The following BHMT variants were observed in gnomAD, a reference collection of about 807,000 sequenced individuals.
BHMT encodes betaine--homocysteine S-methyltransferase 1.
Under a neutral mutation model 49.5 loss-of-function variants are expected in BHMT, and 38 were observed. The observed-to-expected ratio is 0.77, with a 90% CI of 0.59 to 1.01. BHMT has a LOEUF of 1.01. Ranked by LOEUF, BHMT falls within the 50% of genes least tolerant of loss-of-function variation. The pLI, the probability that BHMT is intolerant of heterozygous loss-of-function variation, is 0.00. For missense variants in BHMT, 426 were observed against 495.7 expected (o/e 0.86, Z 1.34); for synonymous variants, 166 against 176.3 (o/e 0.94, Z 0.46).
chr5:79,118,798 C>CA (rs1267004900), intron 2 of BHMT, among the ~76,000 whole-genome samples: 1 of 152,186 alleles, frequency 6.6e-6, no homozygotes, highest in East Asian at 1.9e-4. Context: ...AAGTGCAGCT[C>CA]AAATGATTCC....
At chr5:79,114,322 C>T (rs6894156) in intron 1 of BHMT, among the ~76,000 whole-genome samples, 13,538 of 151,910 alleles carry the variant, frequency 0.089, 655 homozygotes, top group Middle Eastern at 0.12. Flanking sequence ...ATGTTTTGAT[C>T]TGAAAGGTAT....
intron 5 of BHMT, among the ~76,000 whole-genome samples, chr5:79,123,780 G>A (rs965182669): frequency 6.6e-6 from 1 of 152,096 alleles, no homozygotes; most frequent in Non-Finnish European, 1.5e-5. Flanking sequence ...TTGAACTCCT[G>A]ACCTCAGGTA....
intron 1 of BHMT, among the ~76,000 whole-genome samples, chr5:79,112,928 C>T (rs754270003): frequency 1.3e-4 from 20 of 152,112 alleles, no homozygotes; most frequent in Admixed American, 3.9e-4. Context: ...CCAGGCCTGG[C>T]ACGACAGAGG....
rs1756645770 is a variant in BHMT at position 79,131,718 on chromosome 5, T to G, written c.*602T>G. On this transcript the variant is annotated 3_prime_UTR_variant, in exon 8 of 8. Transcript: ENST00000274353. ...GATTTTTATGACCCACTACTGGGTT[T>G]GGATCCACAGTTTGAAAAATATTGC... 1 of 152,272 alleles carries G rather than the reference T, an allele frequency of 6.6e-6. No individual in the cohort carries two copies. Among genetic ancestry groups the G allele is most frequent in the African/African-American group, 2.4e-5 (1 of 41,468 alleles). 9.4% of individuals were successfully genotyped at this position (152,272 alleles called of 1,614,324 possible).
intron 7 of BHMT, 52 bp from the exon 8 acceptor site, chr5:79,130,881 C>A (rs373453592): frequency 8.3e-6 from 12 of 1,443,994 alleles, no homozygotes; most frequent in South Asian, 1.6e-5. Flanking sequence ...ATATAAAGAC[C>A]AAAGCTAGGG....
intron 1 of BHMT, among the ~76,000 whole-genome samples, chr5:79,113,348 C>T (rs182465848): frequency 5.3e-5 from 8 of 152,224 alleles, no homozygotes; most frequent in African/African-American, 1.7e-4. Context: ...GTAAGTCTAA[C>T]TTATTCCCCA....
chr5:79,125,235 A>G (rs2112730381), intron 5 of BHMT, among the ~76,000 whole-genome samples: 1 of 152,082 alleles, frequency 6.6e-6, no homozygotes. Flanking sequence ...AGCTGGGCGG[A>G]TCACAAGGTC....
At chr5:79,128,577 C>CA in intron 7 of BHMT, among the ~76,000 whole-genome samples, 1 of 149,540 alleles carries the variant, frequency 6.7e-6, no homozygotes, top group African/African-American at 2.5e-5. Flanking sequence ...ACGTAAGTGG[C>CA]AATGAAATGT....
intron 5 of BHMT, among the ~76,000 whole-genome samples, chr5:79,122,075 G>A (rs1359347959): frequency 6.6e-6 from 1 of 151,742 alleles, no homozygotes; most frequent in Non-Finnish European, 1.5e-5. Context: ...CCGAGTAGCT[G>A]GGATTATGGG....
intron 7 of BHMT, 128 bp from the exon 8 acceptor site, chr5:79,130,805 G>A: frequency 1.2e-6 from 1 of 852,450 alleles, no homozygotes; most frequent in Admixed American, 5.2e-5. Flanking sequence ...TTTAATGTCT[G>A]ATAGGCAACT....
intron 2 of BHMT, among the ~76,000 whole-genome samples, chr5:79,118,341 C>T (rs941912574): frequency 6.6e-6 from 1 of 152,136 alleles, no homozygotes; most frequent in Admixed American, 6.5e-5. Context: ...GTGGCAGGTG[C>T]CTGTAGTCCC....
intron 1 of BHMT, among the ~76,000 whole-genome samples, chr5:79,112,879 G>A (rs1231954696): frequency 6.6e-6 from 1 of 152,170 alleles, no homozygotes; most frequent in African/African-American, 2.4e-5. Flanking sequence ...GATGGAGGGA[G>A]GAGAGAATAA....
intron 7 of BHMT, among the ~76,000 whole-genome samples, chr5:79,129,275 C>A (rs191857373): frequency 6.6e-6 from 1 of 152,266 alleles, no homozygotes; most frequent in African/African-American, 2.4e-5. Context: ...CATAGGTGTG[C>A]AGGGTCTGAG....
rs1348750170 is a variant in BHMT at position 79,120,423 on chromosome 5, G to T, written c.359G>T (p.Gly120Val). The change falls in exon 4 of 8, where the codon GGA becomes GTA. Residue 120 changes from glycine (G) to valine (V), a missense_variant. Coordinates refer to ENST00000274353, the MANE Select transcript of BHMT (RefSeq NM_001713.3). ...GATGAAGGAGATGCTTTGGTAGCAGGAGGAGTGAGTCAGACACCTTCATAC... is the reference window on the plus strand; with the variant it reads ...GATGAAGGAGATGCTTTGGTAGCAGTAGGAGTGAGTCAGACACCTTCATAC... ...VADEGDALVAGGVSQTPSYLS... is the reference protein window; with the variant it reads ...VADEGDALVAVGVSQTPSYLS... The T allele has an allele frequency of 1.2e-6, 2 of 1,614,086 alleles. No homozygotes were observed. Among genetic ancestry groups the T allele is most frequent in the Admixed American group, 3.3e-5 (2 of 59,982 alleles).
chr5:79,120,412 T>C lies in BHMT; in HGVS notation c.348T>C (p.Ala116=), dbSNP rs1430211179. ...GACAAGTGGCTGATGAAGGAGATGCTTTGGTAGCAGGAGGAGTGAGTCAGA... is the reference window on the plus strand; with the variant it reads ...GACAAGTGGCTGATGAAGGAGATGCCTTGGTAGCAGGAGGAGTGAGTCAGA... ...IARQVADEGD[A]LVAGGVSQTP... The change falls in exon 4 of 8, where the codon GCT becomes GCC. Residue 116 remains alanine, a synonymous_variant. Transcript: ENST00000274353. 1 of 1,613,984 alleles carries C rather than the reference T, an allele frequency of 6.2e-7. No individual in the cohort carries two copies. The highest frequency in any genetic ancestry group is 1.1e-5 in the South Asian group (1 of 91,030).
Position 79,126,156 on chromosome 5 carries a change from A to G in BHMT, c.736A>G (p.Ser246Gly). ...TGCCCGACTGAAAGCTCACCTGATG[A>G]GCCAGCCCTTGGCTTACCACACTCC... ...EAARLKAHLM[S>G]QPLAYHTPDC... Residue 246 changes from serine to glycine, a missense_variant, in exon 6 of 8, where the codon AGC becomes GGC. Transcript: ENST00000274353. 1 of 1,613,736 alleles carries G rather than the reference A, an allele frequency of 6.2e-7. No individual in the cohort carries two copies. The highest frequency in any genetic ancestry group is 1.1e-5 in the South Asian group (1 of 91,066).
intron 7 of BHMT, among the ~76,000 whole-genome samples, chr5:79,128,729 G>C (rs1756593233): frequency 6.6e-6 from 1 of 152,060 alleles, no homozygotes; most frequent in African/African-American, 2.4e-5. Context: ...TGGGAATACG[G>C]TGGCAAATAA....
Position 79,115,839 on chromosome 5 carries a change from A to G in BHMT, c.106A>G (p.Arg36Gly). ...AGGGTTTGTCTTTGCACTGGAGAAG[A>G]GGGGCTACGTAAAGGCAGGACCCTG... ...DGGFVFALEK[R>G]GYVKAGPWTP... The change falls in exon 2 of 8, where the codon AGG becomes GGG. Residue 36 changes from arginine (R) to glycine (G), a missense_variant. Arg to Gly is a moderately radical substitution (Grantham distance 125, BLOSUM62 -2). This residue lies in a region of BHMT where 321 missense variants were observed against 355.9 expected (regional missense o/e 0.90). Coordinates refer to ENST00000274353, the MANE Select transcript of BHMT (RefSeq NM_001713.3). 1 of 1,614,076 alleles carries G rather than the reference A, an allele frequency of 6.2e-7. No individual in the cohort carries two copies. The highest frequency in any genetic ancestry group is 8.5e-7 in the Non-Finnish European group (1 of 1,179,974).
In BHMT at chr5:79,130,962, G is replaced by A. The variant is rs543295195; in HGVS notation, c.1067G>A (p.Arg356Gln). The part of the protein sequence containing the change: ...RARKEYWENL[R>Q]IASGRPYNPS... ...AGGAAGGAATACTGGGAGAATCTTC[G>A]GATAGCCTCAGGCCGGCCATACAAC... The change falls in exon 8 of 8, where the codon CGG becomes CAG. Residue 356 changes from arginine to glutamine, a missense_variant. This residue lies in a region of BHMT where 73 missense variants were observed against 68.3 expected (regional missense o/e 1.07). Transcript: ENST00000274353. 1.7e-5 allele frequency: 28 copies of A among 1,612,874 alleles called. No homozygotes were observed. The African/African-American group carries it at 2.1e-4, about 12-fold the overall frequency.
Sources: allele counts gnomAD v4.1 joint callset (sites outside exome capture counted in the v4.1 genomes callset), GRCh38; gene constraint gnomAD v4.1.1; regional missense constraint gnomAD v4.1.1; transcripts MANE v1.5; gene names NCBI Gene and HGNC (gene_info 2026-07-23, HGNC 2026-07-21).